ESRRG: variants seen among roughly 807,000 people sequenced by gnomAD.
ESRRG encodes estrogen related receptor gamma.
ESRRG carries 13 observed loss-of-function variants against 44.0 expected under a neutral mutation model. The ratio of observed to expected loss-of-function variants is 0.30; its 90% confidence interval spans 0.19 to 0.47. The LOEUF is 0.47. Among genes scored for constraint, ESRRG ranks in the 20% least tolerant of loss-of-function variants. The probability of loss-of-function intolerance (pLI) is 1.00; values close to 1 mark genes in which losing one functional copy is unlikely to be tolerated. For synonymous variants in ESRRG, 215 were observed against 214.6 expected, an observed-to-expected ratio of 1.00 and a Z score of -0.02; for missense variants, 395 against 580.6, an observed-to-expected ratio of 0.68 and a Z score of 3.29.
chr1:217,135,589 C>G (rs1292271000), intron 1 of ESRRG, among the ~76,000 whole-genome samples: 1 of 151,776 alleles, frequency 6.6e-6, no homozygotes, highest in African/African-American at 2.4e-5. Context: ...CTCCTCCCAG[C>G]CTTTTCGCCC....
intron 1 of ESRRG, among the ~76,000 whole-genome samples, chr1:217,049,301 A>G (rs1469710833): frequency 3.9e-5 from 6 of 152,172 alleles, no homozygotes. Context: ...TGAATCTCCA[A>G]GAAGGAGAAT....
chr1:216,874,459 A>G (rs1359638218), intron 2 of ESRRG, among the ~76,000 whole-genome samples: 1 of 152,232 alleles, frequency 6.6e-6, no homozygotes. Flanking sequence ...AATAAATACC[A>G]GTGTACCCTC....
At chr1:217,034,390 A>G (rs1444761113) in intron 1 of ESRRG, among the ~76,000 whole-genome samples, 1 of 152,160 alleles carries the variant, frequency 6.6e-6, no homozygotes, top group Non-Finnish European at 1.5e-5. Flanking sequence ...AGAGTTTGAC[A>G]GTTTGAGACA....
intron 2 of ESRRG, among the ~76,000 whole-genome samples, chr1:216,667,248 G>A (rs1038885727): frequency 6.6e-6 from 1 of 152,182 alleles, no homozygotes; most frequent in Non-Finnish European, 1.5e-5. Flanking sequence ...CTTTGATTAA[G>A]TATGCGTGTG....
chr1:216,612,707 A>G (rs1409750898), intron 3 of ESRRG, among the ~76,000 whole-genome samples: 1 of 152,178 alleles, frequency 6.6e-6, no homozygotes, highest in Non-Finnish European at 1.5e-5. Flanking sequence ...AAATCCCACA[A>G]TAAAAACTCA....
In ESRRG at chr1:216,575,252, A is replaced by T. The variant is rs556616373; in HGVS notation, c.590-7154T>A. 9.2e-5 allele frequency among the ~76,000 whole-genome samples: 14 copies of T among 152,222 alleles called. No individual in the cohort carries two copies. The South Asian group carries it at 2.9e-3, about 32-fold the overall frequency. On this transcript the variant is annotated intron_variant, in intron 3 of 6. Coordinates refer to ENST00000408911, the MANE Select transcript of ESRRG (RefSeq NM_001438.4). ...ATCTAAGCATATTAAATTCTTGAGG[A>T]TCATATAAGATAATTAAAGAAACCA...
chr1:217,045,827 C>A (rs113826636), intron 1 of ESRRG, among the ~76,000 whole-genome samples: 2 of 152,162 alleles, frequency 1.3e-5, no homozygotes, highest in African/African-American at 2.4e-5. Context: ...CCCTCAGAGG[C>A]ACACTGTCCT....
Position 216,566,172 on chromosome 1 carries a change from T to A in ESRRG, c.701-1792A>T, listed in dbSNP as rs11572773. 2.2e-4 allele frequency among the ~76,000 whole-genome samples: 33 copies of A among 152,228 alleles called. No individual in the cohort carries two copies. The East Asian group carries it at 6.4e-3, about 29-fold the overall frequency. On this transcript the variant is annotated intron_variant, in intron 4 of 6. Coordinates refer to ENST00000408911, the MANE Select transcript of ESRRG (RefSeq NM_001438.4). ...CTAATTAGAATCAATAGAACCCAATTTTCATTCTTGGTTCTTTGTAGTACA... is the reference window on the plus strand; with the variant it reads ...CTAATTAGAATCAATAGAACCCAATATTCATTCTTGGTTCTTTGTAGTACA...
chr1:216,980,040 C>T (rs999948983), intron 1 of ESRRG, among the ~76,000 whole-genome samples: 6 of 139,396 alleles, frequency 4.3e-5, no homozygotes, highest in African/African-American at 6.7e-5. Context: ...TATTTTTCCC[C>T]TTTCTTTTCT....
At chr1:216,973,282 C>A (rs1045813971) in intron 1 of ESRRG, among the ~76,000 whole-genome samples, 1 of 152,190 alleles carries the variant, frequency 6.6e-6, no homozygotes, top group Non-Finnish European at 1.5e-5. Context: ...TGCAGTACTC[C>A]TGTTTCTCCT....
chr1:216,774,891 T>C (rs1474900169), intron 2 of ESRRG, among the ~76,000 whole-genome samples: 1 of 149,050 alleles, frequency 6.7e-6, no homozygotes, highest in East Asian at 2.0e-4. Context: ...AGCTTTGGAC[T>C]CCCGGGCTTA....
intron 3 of ESRRG, among the ~76,000 whole-genome samples, chr1:216,576,834 A>G (rs1368284035): frequency 2.6e-5 from 4 of 151,674 alleles, no homozygotes; most frequent in African/African-American, 9.7e-5. Flanking sequence ...GTCATCTGCA[A>G]CAGGTGACAA....
At chr1:216,859,634 G>T (rs1011944659) in intron 2 of ESRRG, among the ~76,000 whole-genome samples, 2 of 152,128 alleles carry the variant, frequency 1.3e-5, no homozygotes, top group African/African-American at 4.8e-5. Context: ...AAAACCTCAT[G>T]ATTCATGGGA....
At chr1:216,635,827 A>T (rs1288866522) in intron 3 of ESRRG, among the ~76,000 whole-genome samples, 1 of 152,156 alleles carries the variant, frequency 6.6e-6, no homozygotes, top group Non-Finnish European at 1.5e-5. Flanking sequence ...TGCTGTGAAC[A>T]TAGCACTTGG....
intron 1 of ESRRG, among the ~76,000 whole-genome samples, chr1:217,053,271 A>T (rs189279535): frequency 6.6e-6 from 1 of 152,134 alleles, no homozygotes; most frequent in East Asian, 1.9e-4. Context: ...CCTGGCCAAC[A>T]TGGTGAAACC....
intron 2 of ESRRG, among the ~76,000 whole-genome samples, chr1:216,907,065 A>C (rs1446194164): frequency 6.6e-6 from 1 of 152,198 alleles, no homozygotes; most frequent in Non-Finnish European, 1.5e-5. Flanking sequence ...GACCCGTCAC[A>C]CTGGGAGAAT....
At chr1:217,052,902 C>A (rs529276192) in intron 1 of ESRRG, among the ~76,000 whole-genome samples, 6 of 152,242 alleles carry the variant, frequency 3.9e-5, no homozygotes, top group African/African-American at 1.4e-4. Flanking sequence ...CTTTACATAT[C>A]ATGGGAGCTT....
At chr1:217,056,722 A>T (rs2151301159) in intron 1 of ESRRG, among the ~76,000 whole-genome samples, 1 of 151,096 alleles carries the variant, frequency 6.6e-6, no homozygotes, top group Middle Eastern at 3.4e-3. Context: ...TAGAGCAACT[A>T]GATAACAAAA....
chr1:216,623,302 C>T (rs1031601040), intron 3 of ESRRG, among the ~76,000 whole-genome samples: 7 of 151,850 alleles, frequency 4.6e-5, no homozygotes, highest in African/African-American at 1.5e-4. Context: ...AGGATGGTCT[C>T]GATCTCCTGA....
Sources: allele counts gnomAD v4.1 joint callset (sites outside exome capture counted in the v4.1 genomes callset), GRCh38; gene constraint gnomAD v4.1.1; transcripts MANE v1.5; gene names NCBI Gene and HGNC (gene_info 2026-07-23, HGNC 2026-07-21).